The following EPS15 variants were observed in gnomAD, a reference collection of about 807,000 sequenced individuals.
The protein encoded by EPS15 is epidermal growth factor receptor substrate 15.
EPS15 carries 72 observed loss-of-function variants against 113.8 expected under a neutral mutation model. The ratio of observed to expected loss-of-function variants is 0.63; its 90% confidence interval spans 0.52 to 0.77. EPS15 has a LOEUF of 0.77. EPS15 is among the 30% of genes least tolerant of loss of function. EPS15 has a pLI of 0.00. For synonymous variants in EPS15, 344 were observed against 363.4 expected, an observed-to-expected ratio of 0.95 and a Z score of 0.61; for missense variants, 1,048 against 1,045.8, an observed-to-expected ratio of 1.00 and a Z score of -0.03.
intron 21 of EPS15, among the ~76,000 whole-genome samples, chr1:51,389,878 TGG>T (rs1275094809): frequency 5.3e-5 from 8 of 152,204 alleles, no homozygotes; most frequent in Non-Finnish European, 7.3e-5. Context: ...ATCGTGAAAA[TGG>T]CCATACTGCC....
chr1:51,444,988 A>C lies in EPS15; in HGVS notation c.855T>G (p.Ala285=), dbSNP rs1652894171. 6.2e-7 allele frequency: 1 copy of C among 1,614,030 alleles called. No homozygotes were observed. The highest frequency in any genetic ancestry group is 8.5e-7 in the Non-Finnish European group (1 of 1,179,914). The part of the protein sequence containing the change: ...GKLSKDQFAL[A]FHLISQKLIK... ...TTAACTTCTGACTGATTAAGTGAAA[A>C]GCCAAGGCAAACTGATCCTTTGAAA... The change falls in exon 11 of 25, where the codon GCT becomes GCG. Residue 285 remains alanine, a synonymous_variant. Transcript: ENST00000371733.
At position 51,458,057 on chromosome 1, in the gene EPS15, A is replaced by AT. The variant is rs757762531; in HGVS notation, c.561+3033dup. The AT allele has an allele frequency of 8.5e-5, 13 of 152,298 alleles. No individual in the cohort carries two copies. The East Asian group carries it at 1.3e-3, about 16-fold the overall frequency. 9.4% of individuals were successfully genotyped at this position (152,298 alleles called of 1,614,324 possible). On this transcript the variant is annotated intron_variant, in intron 8 of 24. Coordinates refer to ENST00000371733, the MANE Select transcript of EPS15 (RefSeq NM_001981.3). ...TTTTCAAGAGACATACACAACAAAC[A>AT]TAAGAAATATCAGGTAATTCAAAAA...
At chr1:51,498,199 T>C (rs1295834570) in intron 1 of EPS15, among the ~76,000 whole-genome samples, 2 of 152,144 alleles carry the variant, frequency 1.3e-5, no homozygotes, top group African/African-American at 2.4e-5. Flanking sequence ...AAAGGTACAA[T>C]GGAACAAAGA....
chr1:51,405,885 T>A lies in EPS15; in HGVS notation c.1677+20A>T. On this transcript the variant is annotated intron_variant, in intron 16 of 24. Transcript: ENST00000371733. ...GCACAAGGAGGTTGATTATGAAGGT[T>A]ATGAAAGTATTAGACTCACTGGAGA... The A allele has an allele frequency of 6.2e-7, 1 of 1,603,474 alleles. No homozygotes were observed.
intron 1 of EPS15, among the ~76,000 whole-genome samples, chr1:51,495,402 G>T (rs1644308388): frequency 1.3e-5 from 2 of 148,838 alleles, no homozygotes; most frequent in South Asian, 4.2e-4. Context: ...TACAGTTCTT[G>T]ACTGGTTTTG....
intron 12 of EPS15, among the ~76,000 whole-genome samples, chr1:51,428,999 C>T (rs909130787): frequency 1.3e-5 from 2 of 152,060 alleles, no homozygotes; most frequent in Admixed American, 1.3e-4. Flanking sequence ...TCAGGCAGTC[C>T]TCCCGCCTCA....
intron 14 of EPS15, 125 bp from the exon 15 acceptor site, chr1:51,408,457 C>A: frequency 1.5e-6 from 1 of 670,944 alleles, no homozygotes; most frequent in South Asian, 1.9e-5. Context: ...ACAGCAATAG[C>A]AAATAATTTA....
chr1:51,511,211 T>G (rs116713463), intron 1 of EPS15, among the ~76,000 whole-genome samples: 4,831 of 150,518 alleles, frequency 0.032, 122 homozygotes, highest in Non-Finnish European at 0.051. Context: ...AACCAGTGAT[T>G]TGGCCGGGCG....
At chr1:51,508,270 G>GAA (rs60022234) in intron 1 of EPS15, among the ~76,000 whole-genome samples, 10,687 of 118,908 alleles carry the variant, frequency 0.09, 622 homozygotes, top group African/African-American at 0.13. Context: ...GAGAGAGAGA[G>GAA]AGAAAGAGAG....
intron 1 of EPS15, among the ~76,000 whole-genome samples, chr1:51,516,503 A>G (rs2148573204): frequency 6.6e-6 from 1 of 152,318 alleles, no homozygotes; most frequent in Middle Eastern, 3.4e-3. Flanking sequence ...TTGGTACTCT[A>G]GCATTCTATC....
chr1:51,463,532 C>T (rs1236170357), intron 7 of EPS15, 141 bp downstream of exon 7: 1 of 523,246 alleles, frequency 1.9e-6, no homozygotes, highest in African/African-American at 1.9e-5. Flanking sequence ...TACATTAAGT[C>T]AGAAAACAAA....
At chr1:51,360,981 T>G (rs1646371244) in intron 24 of EPS15, among the ~76,000 whole-genome samples, 190 bp downstream of exon 24, 1 of 152,230 alleles carries the variant, frequency 6.6e-6, no homozygotes, top group African/African-American at 2.4e-5. Context: ...TAAAATCATC[T>G]GTGCGATGGA....
intron 21 of EPS15, among the ~76,000 whole-genome samples, chr1:51,367,039 C>T (rs756742744): frequency 1.3e-5 from 2 of 151,966 alleles, no homozygotes; most frequent in African/African-American, 2.4e-5. Context: ...GATATGTAAA[C>T]AAATAATAAT....
chr1:51,508,241 A>G (rs1557536422), intron 1 of EPS15, among the ~76,000 whole-genome samples: 79 of 66,560 alleles, frequency 1.2e-3, no homozygotes, highest in African/African-American at 4.5e-3. Flanking sequence ...AAGAAAAGAA[A>G]GAGAGAAAGA....
intron 12 of EPS15, among the ~76,000 whole-genome samples, chr1:51,439,616 A>G (rs896964131): frequency 6.6e-6 from 1 of 152,126 alleles, no homozygotes; most frequent in African/African-American, 2.4e-5. Flanking sequence ...GAACACGGAA[A>G]TTAAGGAAGT....
At chr1:51,365,122 G>A (rs568968225) in intron 22 of EPS15, among the ~76,000 whole-genome samples, 4 of 152,296 alleles carry the variant, frequency 2.6e-5, no homozygotes, top group East Asian at 3.8e-4. Flanking sequence ...ATGAGCCACC[G>A]CGCCTGGCTG....
At chr1:51,398,220 A>G (rs1010920315) in intron 20 of EPS15, among the ~76,000 whole-genome samples, 2 of 151,862 alleles carry the variant, frequency 1.3e-5, no homozygotes, top group Admixed American at 6.6e-5. Context: ...CGCCTGGCTA[A>G]TTTTTTGTAT....
intron 24 of EPS15, 80 bp from the exon 25 acceptor site, chr1:51,356,926 A>G: frequency 8.0e-7 from 1 of 1,242,980 alleles, no homozygotes. Context: ...AGTTTTTACA[A>G]AAGGACACCT....
At chr1:51,370,345 T>A (rs968344776) in intron 21 of EPS15, among the ~76,000 whole-genome samples, 1 of 152,216 alleles carries the variant, frequency 6.6e-6, no homozygotes, top group African/African-American at 2.4e-5. Context: ...GTTTTGGATT[T>A]CAGATTTTTG....
Sources: allele counts gnomAD v4.1 joint callset (sites outside exome capture counted in the v4.1 genomes callset), GRCh38; gene constraint gnomAD v4.1.1; transcripts MANE v1.5; gene names NCBI Gene and HGNC (gene_info 2026-07-23, HGNC 2026-07-21).